F8: variants seen among roughly 807,000 people sequenced by gnomAD.
F8 encodes the protein coagulation factor VIII, also known as antihemophilic factor.
Under a neutral mutation model 140.6 loss-of-function variants are expected in F8, and 12 were observed. The observed-to-expected ratio is 0.09, with a 90% CI of 0.05 to 0.14. The LOEUF is 0.14. F8 is among the 10% of genes least tolerant of loss of function. The probability of loss-of-function intolerance (pLI) is 1.00; values close to 1 mark genes in which losing one functional copy is unlikely to be tolerated. For synonymous variants in F8, 585 were observed against 614.6 expected (o/e 0.95, Z 0.71); for missense variants, 1,354 against 1,720.7 (o/e 0.79, Z 3.77).
intron 25 of F8, among the ~76,000 whole-genome samples, chrX:154,849,980 T>C (rs2072601104): frequency 9.0e-6 from 1 of 111,168 alleles, no homozygotes; most frequent in Non-Finnish European, 1.9e-5. Flanking sequence ...TGTTGTCATA[T>C]GTTCTAAATT....
At position 154,904,348 on chromosome X, in the gene F8, G is replaced by A. The variant is rs1557276152; in HGVS notation, c.5763C>T (p.Pro1921=). Residue 1921 remains proline (P), a synonymous_variant, in exon 17 of 26, where the codon CCC becomes CCT. Coordinates refer to ENST00000360256, the MANE Select transcript of F8 (RefSeq NM_000132.4). The part of the protein sequence containing the change: ...TENMERNCRA[P]CNIQMEDPTF... ...TGGGATCTTCCATCTGGATATTGCA[G>A]GGAGCCCTGCAGTTTCTTTCCATAT... is the stretch of plus-strand genomic sequence containing the variant. 2.5e-6 allele frequency: 3 copies of A among 1,211,683 alleles called. No individual in the cohort carries two copies. Among genetic ancestry groups the A allele is most frequent in the South Asian group, 3.5e-5 (2 of 56,997 alleles).
intron 13 of F8, among the ~76,000 whole-genome samples, chrX:154,945,114 A>G (rs1557280191): frequency 9.0e-6 from 1 of 110,534 alleles, no homozygotes; most frequent in Admixed American, 9.6e-5. Context: ...GCACATGTAT[A>G]CATATGTAAC....
At chrX:154,964,929 T>C (rs916333148) in intron 9 of F8, among the ~76,000 whole-genome samples, 1 of 111,771 alleles carries the variant, frequency 8.9e-6, no homozygotes, top group Non-Finnish European at 1.9e-5. Context: ...GGAAAACATT[T>C]GAAAGATAAA....
Position 154,931,078 on chromosome X carries a change from C to A in F8, c.2712G>T (p.Leu904=). 1 of 1,202,641 alleles carries A rather than the reference C, an allele frequency of 8.3e-7. No homozygotes were observed. Among genetic ancestry groups the A allele is most frequent in the Non-Finnish European group, 1.1e-6 (1 of 891,194 alleles). Residue 904 remains leucine, a synonymous_variant, in exon 14 of 26, where the codon CTG becomes CTT. Transcript: ENST00000360256. The part of the protein sequence containing the change: ...DFKVSSTSNN[L]ISTIPSDNLA... ...AATTGTCTGATGGAATTGTTGAAAT[C>A]AGATTATTTGATGTACTAGAAACTT...
chrX:154,972,902 G>A (rs1337500617), intron 6 of F8, among the ~76,000 whole-genome samples: 2 of 108,725 alleles, frequency 1.8e-5, no homozygotes, highest in South Asian at 4.0e-4. Context: ...TAGTAAAGAC[G>A]GGGTTTCACC....
At chrX:154,898,609 C>T (rs1247607558) in intron 21 of F8, among the ~76,000 whole-genome samples, 1 of 112,187 alleles carries the variant, frequency 8.9e-6, no homozygotes, top group Admixed American at 9.5e-5. Flanking sequence ...ATTTCATTAT[C>T]TGAAATGAAG....
chrX:154,933,539 A>G (rs1029298489), intron 13 of F8, among the ~76,000 whole-genome samples: 2 of 112,341 alleles, frequency 1.8e-5, no homozygotes, highest in African/African-American at 6.5e-5. Flanking sequence ...CATTAAGTAG[A>G]CAGAGAGTTA....
intron 25 of F8, among the ~76,000 whole-genome samples, chrX:154,839,211 T>C (rs1464600432): frequency 9.1e-6 from 1 of 109,381 alleles, no homozygotes; most frequent in African/African-American, 3.3e-5. Context: ...CCATGTTTTT[T>C]ACCCTTCGGG....
chrX:155,009,214 C>G (rs1315530072), intron 1 of F8, among the ~76,000 whole-genome samples: 1 of 110,651 alleles, frequency 9.0e-6, no homozygotes, highest in Non-Finnish European at 1.9e-5. Flanking sequence ...TCATCTACCT[C>G]TAAAAATTTC....
At chrX:154,919,671 T>C (rs1186988956) in intron 14 of F8, 5 of 494,214 alleles carry the variant, frequency 1.0e-5, no homozygotes, top group African/African-American at 2.4e-5. Context: ...AATGCATGTC[T>C]CACTTTCATG....
intron 25 of F8, among the ~76,000 whole-genome samples, chrX:154,841,205 CTTCTT>C (rs2072518290): frequency 1.5e-5 from 1 of 66,887 alleles, no homozygotes; most frequent in African/African-American, 6.2e-5. Flanking sequence ...CATTTGCTTT[CTTCTT>C]TTTTTTTTTT....
chrX:154,852,161 CT>C (rs1444730396), intron 25 of F8, among the ~76,000 whole-genome samples: 1 of 111,579 alleles, frequency 9.0e-6, no homozygotes, highest in Non-Finnish European at 1.9e-5. Context: ...CCTCCACCTC[CT>C]GGGCTCAAGC....
chrX:154,955,626 T>A (rs957864330), intron 11 of F8, among the ~76,000 whole-genome samples: 2 of 110,244 alleles, frequency 1.8e-5, no homozygotes, highest in Non-Finnish European at 3.8e-5. Flanking sequence ...AGGGGTGACA[T>A]CACATGTCGG....
intron 22 of F8, among the ~76,000 whole-genome samples, chrX:154,869,814 G>C (rs1370671839): frequency 1.8e-5 from 2 of 108,454 alleles, no homozygotes; most frequent in Non-Finnish European, 3.8e-5. Context: ...CTAATAAAGA[G>C]GAAAAGAGAG....
chrX:155,013,633 A>G lies in F8; in HGVS notation c.143+8777T>C, dbSNP rs186435760. On this transcript the variant is annotated intron_variant, in intron 1 of 25. Transcript: ENST00000360256. ...CATCATGAACACAGACGCAAAAACT[A>G]AAAAACCACCATCACCACCAAAACC... Among the ~76,000 whole-genome samples the G allele has an allele frequency of 8.1e-4, 91 of 112,246 alleles. 1 individual carries two copies. The highest frequency in any genetic ancestry group is 2.9e-3 in the African/African-American group (89 of 30,889).
chrX:154,908,246 G>A (rs987315097), intron 14 of F8, among the ~76,000 whole-genome samples: 2 of 111,887 alleles, frequency 1.8e-5, no homozygotes, highest in Non-Finnish European at 3.8e-5. Context: ...CATAAATCAA[G>A]TTTCTATATG....
At chrX:154,850,485 A>T (rs868971578) in intron 25 of F8, among the ~76,000 whole-genome samples, 194 of 83,806 alleles carry the variant, frequency 2.3e-3, no homozygotes, top group Non-Finnish European at 2.6e-3. Context: ...CCTTCTCTTT[A>T]TTTTTTTTTT....
At chrX:154,966,817 T>C (rs1345503866) in intron 7 of F8, 130 bp from the exon 8 acceptor site, 1 of 837,355 alleles carries the variant, frequency 1.2e-6, no homozygotes, top group African/African-American at 2.0e-5. Context: ...ATGGGAAGCA[T>C]GGTGCTGGCA....
chrX:154,952,703 C>T (rs1312071384), intron 12 of F8, among the ~76,000 whole-genome samples: 4 of 110,774 alleles, frequency 3.6e-5, no homozygotes, highest in East Asian at 2.8e-4. Context: ...CCACCATGCC[C>T]GGCTAATTTT....
Sources: gnomAD v4.1 joint callset for allele counts (sites outside exome capture counted in the v4.1 genomes callset) on GRCh38, gnomAD v4.1.1 for gene constraint, MANE v1.5 for transcripts, NCBI Gene and HGNC (gene_info 2026-07-23, HGNC 2026-07-21) for gene names.